The following FAHD2A variants were observed in gnomAD, a reference collection of about 807,000 sequenced individuals.
FAHD2A encodes the protein fumarylacetoacetate hydrolase domain containing 2A, also known as oxaloacetate tautomerase FAHD2A, mitochondrial.
Under a neutral mutation model 33.4 loss-of-function variants are expected in FAHD2A, and 27 were observed. The ratio of observed to expected loss-of-function variants is 0.81; its 90% confidence interval spans 0.60 to 1.11. The LOEUF (loss-of-function observed/expected upper bound fraction) is 1.11, where lower values mean the gene tolerates loss of function less well. FAHD2A is among the 50% of genes most tolerant of loss of function. The pLI, the probability that FAHD2A is intolerant of heterozygous loss-of-function variation, is 0.00. For synonymous variants in FAHD2A, 130 were observed against 153.3 expected (o/e 0.85, Z 1.12); for missense variants, 296 against 395.0 (o/e 0.75, Z 2.12).
intron 5 of FAHD2A, 122 bp from the exon 6 acceptor site, chr2:95,412,312 T>C (rs1682654053): frequency 8.8e-7 from 1 of 1,133,256 alleles, no homozygotes; most frequent in African/African-American, 1.5e-5. Flanking sequence ...TGAGTCAATG[T>C]GGGCACTTTG....
chr2:95,418,842 G>A (rs372183843), downstream of FAHD2A, among the ~76,000 whole-genome samples: 1 of 152,092 alleles, frequency 6.6e-6, no homozygotes, highest in East Asian at 1.9e-4. Context: ...TCTCATCCCA[G>A]TACCTAGAAA....
chr2:95,413,256 G>C lies in FAHD2A; in HGVS notation c.*299G>C, dbSNP rs1682821042. The C allele has an allele frequency of 1.5e-6, 2 of 1,293,598 alleles. No homozygotes were observed. Among genetic ancestry groups the C allele is most frequent in the Non-Finnish European group, 2.1e-6 (2 of 959,188 alleles). 80.1% of individuals were successfully genotyped at this position (1,293,598 alleles called of 1,614,324 possible). ...ATGCCAAAAAGATGCTGCTGGGCTG[G>C]GGAAAAGACAATTCGTGTCGTCCCC... is the stretch of plus-strand genomic sequence containing the variant. On this transcript the variant is annotated 3_prime_UTR_variant, in exon 8 of 8. Transcript: ENST00000233379.
intron 1 of FAHD2A, among the ~76,000 whole-genome samples, chr2:95,404,357 G>A (rs1415272199): frequency 2.6e-5 from 4 of 151,776 alleles, no homozygotes; most frequent in Admixed American, 2.0e-4. Context: ...GCAGTGGCGC[G>A]ATCTCAGCTC....
chr2:95,411,075 C>A, intron 5 of FAHD2A, 49 bp downstream of exon 5: 1 of 1,605,064 alleles, frequency 6.2e-7, no homozygotes, highest in Non-Finnish European at 8.5e-7. Context: ...CACAGATGAA[C>A]AGCGCTTCAG....
rs1382518236 is a variant in FAHD2A, at chr2:95,413,229, A to G, written c.*272A>G. On this transcript the variant is annotated 3_prime_UTR_variant, in exon 8 of 8. Coordinates refer to ENST00000233379, the MANE Select transcript of FAHD2A (RefSeq NM_016044.3). ...GGAAGAAGAGAGCAAATACACACACATATGCCAAAAAGATGCTGCTGGGCT... is the reference window on the plus strand; with the variant it reads ...GGAAGAAGAGAGCAAATACACACACGTATGCCAAAAAGATGCTGCTGGGCT... 4 of 1,145,898 alleles carry G rather than the reference A, an allele frequency of 3.5e-6. No individual in the cohort carries two copies. In the East Asian group the frequency reaches 7.8e-5, roughly 22 times the overall value. The allele number at this position is 1,145,898 out of a possible 1,614,324, so 71.0% of individuals were successfully genotyped here. A position where few individuals can be genotyped will look rare whatever the true frequency, so the allele number is the denominator to read the frequency against.
downstream of FAHD2A, among the ~76,000 whole-genome samples, chr2:95,417,535 C>T (rs1683243625): frequency 3.3e-5 from 5 of 152,206 alleles, no homozygotes; most frequent in African/African-American, 9.7e-5. Context: ...CAAGGATGCC[C>T]TTCGGCCTCA....
In FAHD2A at chr2:95,410,544, G is replaced by T. The variant is rs761473289; in HGVS notation, c.480G>T (p.Val160=). Residue 160 remains valine (V), a synonymous_variant, in exon 4 of 8, where the codon GTG becomes GTT. Coordinates refer to ENST00000233379, the MANE Select transcript of FAHD2A (RefSeq NM_016044.3). ...CCCTACAGGAGGTAGATTGGGAAGT[G>T]GAGCTGGCCGTGGTCATTGGAAAGA... ...PPQSQEVDWE[V]ELAVVIGKKG... is the part of the protein sequence containing the mutation. 1.2e-6 allele frequency: 2 copies of T among 1,611,682 alleles called. No homozygotes were observed. The highest frequency in any genetic ancestry group is 2.7e-5 in the African/African-American group (2 of 74,890).
Position 95,403,461 on chromosome 2 carries a change from C to A in FAHD2A, c.-7+589C>A, listed in dbSNP as rs536396008. Among the ~76,000 whole-genome samples, 15 of 152,332 alleles carry A rather than the reference C, an allele frequency of 9.8e-5. No individual in the cohort carries two copies. In the South Asian group the frequency reaches 3.1e-3, roughly 32 times the overall value. On this transcript the variant is annotated intron_variant, in intron 1 of 7. Transcript: ENST00000233379. ...AGCCAGAGGGCGCCTGTAGTTTCCC[C>A]ACGCATGTCTGTTAGCAGTTACGGC...
chr2:95,403,913 G>C (rs1573540853), intron 1 of FAHD2A, among the ~76,000 whole-genome samples: 1 of 152,256 alleles, frequency 6.6e-6, no homozygotes, highest in Non-Finnish European at 1.5e-5. Flanking sequence ...GTCTGAGTGT[G>C]TGCACATTGG....
At chr2:95,419,110 C>T (rs187913084), downstream of FAHD2A, among the ~76,000 whole-genome samples, 61 of 152,106 alleles carry the variant, frequency 4.0e-4, 1 homozygote, top group African/African-American at 1.3e-3. Context: ...TCAGAGGGAG[C>T]AAGGCCCTGC....
intron 2 of FAHD2A, 52 bp from the exon 3 acceptor site, chr2:95,406,889 G>T (rs1478307904): frequency 1.3e-6 from 2 of 1,536,486 alleles, no homozygotes; most frequent in Non-Finnish European, 1.8e-6. Context: ...GCCTGCCCGG[G>T]ATTGCCCACC....
At chr2:95,410,407 G>A in intron 3 of FAHD2A, 120 bp from the exon 4 acceptor site, 3 of 1,319,172 alleles carry the variant, frequency 2.3e-6, no homozygotes, top group Non-Finnish European at 3.1e-6. Context: ...TGGCAAACAT[G>A]GGATGGCAGC....
At chr2:95,403,857 G>A (rs1681104322) in intron 1 of FAHD2A, among the ~76,000 whole-genome samples, 1 of 152,246 alleles carries the variant, frequency 6.6e-6, no homozygotes, top group Non-Finnish European at 1.5e-5. Context: ...GCACTTAATA[G>A]TTGGCATTCA....
At chr2:95,419,573 T>A (rs1683285672), downstream of FAHD2A, among the ~76,000 whole-genome samples, 1 of 151,896 alleles carries the variant, frequency 6.6e-6, no homozygotes, top group Admixed American at 6.6e-5. Context: ...ACATTTTATG[T>A]GGGGGAAGGG....
chr2:95,419,648 G>A (rs1292543142), downstream of FAHD2A, among the ~76,000 whole-genome samples: 5 of 152,040 alleles, frequency 3.3e-5, no homozygotes, highest in South Asian at 2.1e-4. Context: ...GTGATGAAAC[G>A]CATTGCTATC....
At chr2:95,419,045 A>C (rs1263679417), downstream of FAHD2A, among the ~76,000 whole-genome samples, 1 of 151,870 alleles carries the variant, frequency 6.6e-6, no homozygotes, top group Non-Finnish European at 1.5e-5. Context: ...AAGTCAAGGA[A>C]CTCCTGGGTT....
downstream of FAHD2A, among the ~76,000 whole-genome samples, chr2:95,421,037 GT>G: frequency 1.6e-5 from 2 of 125,370 alleles, no homozygotes; most frequent in Non-Finnish European, 3.5e-5. Context: ...GTGTGTGTGT[GT>G]GTGTGTGTGT....
At position 95,412,509 on chromosome 2, in the gene FAHD2A, T is replaced by A. The variant is rs1682700779; in HGVS notation, c.761T>A (p.Phe254Tyr). 2 of 1,613,820 alleles carry A rather than the reference T, an allele frequency of 1.2e-6. No homozygotes were observed. The highest frequency in any genetic ancestry group is 1.7e-6 in the Non-Finnish European group (2 of 1,179,868). ...AGCGGCAACACCAACCAGATGGTAT[T>A]CAAGACAGAGGACCTGATAGCCTGG... ...VQSGNTNQMV[F>Y]KTEDLIAWVS... The change falls in exon 6 of 8, where the codon TTC becomes TAC. Residue 254 changes from phenylalanine (F) to tyrosine (Y), a missense_variant. Coordinates refer to ENST00000233379, the MANE Select transcript of FAHD2A (RefSeq NM_016044.3).
chr2:95,419,265 T>G (rs1233887511), downstream of FAHD2A, among the ~76,000 whole-genome samples: 1 of 152,082 alleles, frequency 6.6e-6, no homozygotes, highest in East Asian at 1.9e-4. Context: ...AGAAATGTGT[T>G]CATGAAGAGA....
Sources: gnomAD v4.1 joint callset for allele counts (sites outside exome capture counted in the v4.1 genomes callset) on GRCh38, gnomAD v4.1.1 for gene constraint, MANE v1.5 for transcripts, NCBI Gene and HGNC (gene_info 2026-07-23, HGNC 2026-07-21) for gene names.